The following SLC39A9 variants were observed in gnomAD, a reference collection of about 807,000 sequenced individuals.
The protein encoded by SLC39A9 is solute carrier family 39 member 9, also known as zinc transporter ZIP9.
SLC39A9 carries 14 observed loss-of-function variants against 28.4 expected under a neutral mutation model. That is an observed-to-expected ratio of 0.49 (90% confidence interval 0.33 to 0.77). SLC39A9 has a LOEUF of 0.77. Among genes scored for constraint, SLC39A9 ranks in the 30% least tolerant of loss-of-function variants. The probability of loss-of-function intolerance (pLI) is 0.02; values close to 1 mark genes in which losing one functional copy is unlikely to be tolerated. For missense variants in SLC39A9, 283 were observed against 381.1 expected, an observed-to-expected ratio of 0.74 and a Z score of 2.14; for synonymous variants, 119 against 149.6, an observed-to-expected ratio of 0.80 and a Z score of 1.49.
At chr14:69,398,511 ACTTTCGTT>A, upstream of SLC39A9, 1 of 566,344 alleles carries the variant, frequency 1.8e-6, no homozygotes, top group Non-Finnish European at 3.2e-6. Flanking sequence ...TGTCTTCCGT[ACTTTCGTT>A]ATTAAACATA....
chr14:69,416,280 G>A (rs1324426951), intron 1 of SLC39A9, among the ~76,000 whole-genome samples: 1 of 152,152 alleles, frequency 6.6e-6, no homozygotes, highest in Admixed American at 6.5e-5. Context: ...CTTCATCCAT[G>A]TCCCTACAAA....
intron 2 of SLC39A9, among the ~76,000 whole-genome samples, chr14:69,440,647 G>A (rs552534812): frequency 2.0e-4 from 30 of 152,160 alleles, no homozygotes; most frequent in African/African-American, 7.0e-4. Context: ...CTGTTGTAAG[G>A]TTGGATATTA....
intron 1 of SLC39A9, among the ~76,000 whole-genome samples, chr14:69,404,561 A>C (rs1882808720): frequency 6.6e-6 from 1 of 152,196 alleles, no homozygotes; most frequent in Non-Finnish European, 1.5e-5. Flanking sequence ...ACTTTGTTCT[A>C]ATTTATAATT....
Position 69,425,313 on chromosome 14 carries a change from T to G in SLC39A9, c.205+1111T>G, listed in dbSNP as rs1384081734. Among the ~76,000 whole-genome samples, 6 of 152,360 alleles carry G rather than the reference T, an allele frequency of 3.9e-5. No homozygotes were observed. The East Asian group carries it at 1.2e-3, about 29-fold the overall frequency. ...AAATATACATAGAACAGTATTTTCT[T>G]TCATATTCTAGTGGGTCATCTTGAA... On this transcript the variant is annotated intron_variant, in intron 2 of 6. Transcript: ENST00000336643.
intron 1 of SLC39A9, among the ~76,000 whole-genome samples, chr14:69,420,789 A>G (rs371653443): frequency 9.2e-5 from 14 of 152,324 alleles, no homozygotes; most frequent in Non-Finnish European, 1.9e-4. Flanking sequence ...CGAATCAGCT[A>G]CTGAAGCTTG....
intron 1 of SLC39A9, 93 bp from the exon 2 acceptor site, chr14:69,424,001 T>C: frequency 1.2e-6 from 1 of 802,246 alleles, no homozygotes; most frequent in South Asian, 1.6e-5. Context: ...GTCTCACAAA[T>C]GAGCAGCTCA....
intron 1 of SLC39A9, among the ~76,000 whole-genome samples, 198 bp from the exon 2 acceptor site, chr14:69,423,896 C>CAA (rs11342292): frequency 4.2e-5 from 5 of 120,362 alleles, no homozygotes; most frequent in Admixed American, 9.1e-5. Context: ...GATTCTGTCT[C>CAA]AAAAAAAAAA....
Position 69,460,221 on chromosome 14 carries a change from C to T in SLC39A9, c.*1628C>T, listed in dbSNP as rs1594958520. ...TAGTTTGTAAAAACGTTTTCTATGA[C>T]GCATAAGCTAGCATGCCTATGATTT... On this transcript the variant is annotated 3_prime_UTR_variant, in exon 7 of 7. Coordinates refer to ENST00000336643, the MANE Select transcript of SLC39A9 (RefSeq NM_018375.5). The T allele has an allele frequency of 7.1e-6, 7 of 985,522 alleles. No individual in the cohort carries two copies. The highest frequency in any genetic ancestry group is 3.5e-5 in the African/African-American group (2 of 57,226). 61.0% of individuals were successfully genotyped at this position (985,522 alleles called of 1,614,324 possible).
At chr14:69,437,390 G>C (rs1018890315) in intron 2 of SLC39A9, among the ~76,000 whole-genome samples, 1 of 152,116 alleles carries the variant, frequency 6.6e-6, no homozygotes. Flanking sequence ...AGAAGTTTTT[G>C]CTGCCTTGCC....
intron 1 of SLC39A9, among the ~76,000 whole-genome samples, chr14:69,416,421 G>A (rs973648573): frequency 1.3e-5 from 2 of 152,168 alleles, no homozygotes; most frequent in Admixed American, 6.5e-5. Flanking sequence ...GAATAGTGCT[G>A]CAATAAACAT....
rs550893301 is a variant in SLC39A9, at chr14:69,435,160, A to G, written c.206-6909A>G. Among the ~76,000 whole-genome samples, 13 of 152,302 alleles carry G rather than the reference A, an allele frequency of 8.5e-5. No individual in the cohort carries two copies. In the South Asian group the frequency reaches 1.0e-3, roughly 12 times the overall value. On this transcript the variant is annotated intron_variant, in intron 2 of 6. Coordinates refer to ENST00000336643, the MANE Select transcript of SLC39A9 (RefSeq NM_018375.5). ...GACAGGAGTATTGAAGTCTTCAAATATGATTGTGGATTTATCTGTTTCTCT... is the reference window on the plus strand; with the variant it reads ...GACAGGAGTATTGAAGTCTTCAAATGTGATTGTGGATTTATCTGTTTCTCT...
At chr14:69,452,006 A>G (rs1426343032) in intron 3 of SLC39A9, among the ~76,000 whole-genome samples, 1 of 151,996 alleles carries the variant, frequency 6.6e-6, no homozygotes, top group Admixed American at 6.6e-5. Flanking sequence ...ATGAGCCACC[A>G]TGCTTAGTCT....
chr14:69,415,795 TA>T (rs1169667534), intron 1 of SLC39A9, among the ~76,000 whole-genome samples: 1 of 151,962 alleles, frequency 6.6e-6, no homozygotes, highest in African/African-American at 2.4e-5. Context: ...GCCTTTCAGC[TA>T]AAAAAAACTA....
In SLC39A9 at chr14:69,460,526, T is replaced by G; in HGVS notation, c.*1933T>G. On this transcript the variant is annotated 3_prime_UTR_variant, in exon 7 of 7. Transcript: ENST00000336643. Reference sequence around the variant, plus strand: ...AGATTCTCTCTGGAAACTGACTTTGTCAAATAAATAGCAGATTGTAGTGTC... The same window carrying G: ...AGATTCTCTCTGGAAACTGACTTTGGCAAATAAATAGCAGATTGTAGTGTC... The G allele has an allele frequency of 7.1e-6, 7 of 985,342 alleles. No homozygotes were observed. Among genetic ancestry groups the G allele is most frequent in the Non-Finnish European group, 8.4e-6 (7 of 829,890 alleles). The allele number at this position is 985,342 out of a possible 1,614,324, so 61.0% of individuals were successfully genotyped here. A position where few individuals can be genotyped will look rare whatever the true frequency, so the allele number is the denominator to read the frequency against.
In SLC39A9 at chr14:69,460,580, A is replaced by AT; in HGVS notation, c.*1988dup. 1.0e-6 allele frequency: 1 copy of AT among 985,450 alleles called. No homozygotes were observed. The highest frequency in any genetic ancestry group is 1.2e-6 in the Non-Finnish European group (1 of 829,924). 61.0% of individuals were successfully genotyped at this position (985,450 alleles called of 1,614,324 possible). ...TTTGGTTTGGACAGTAGTGCTTTCT[A>AT]TCATATTGTTGTGTGCAATGGTAAT... On this transcript the variant is annotated 3_prime_UTR_variant, in exon 7 of 7. Coordinates refer to ENST00000336643, the MANE Select transcript of SLC39A9 (RefSeq NM_018375.5).
chr14:69,425,573 CTTCAAG>C (rs1884145124), intron 2 of SLC39A9, among the ~76,000 whole-genome samples: 2 of 152,114 alleles, frequency 1.3e-5, no homozygotes, highest in Non-Finnish European at 1.5e-5. Flanking sequence ...GAAAGAAGTG[CTTCAAG>C]TATAGTTTCT....
intron 1 of SLC39A9, among the ~76,000 whole-genome samples, chr14:69,408,866 G>A (rs765192570): frequency 1.3e-5 from 2 of 152,186 alleles, no homozygotes; most frequent in South Asian, 4.1e-4. Context: ...GAATCACTTA[G>A]TAGAGGGGAA....
chr14:69,408,478 A>G lies in SLC39A9; in HGVS notation c.96+9013A>G, dbSNP rs7155084. Among the ~76,000 whole-genome samples the G allele has an allele frequency of 2.3e-3, 346 of 152,338 alleles. 2 individuals carry two copies. Among genetic ancestry groups the G allele is most frequent in the African/African-American group, 8.0e-3 (333 of 41,572 alleles). On this transcript the variant is annotated intron_variant, in intron 1 of 6. Transcript: ENST00000336643. ...AGTAAAATAAGACAGCCCCAGTGTCATGATATATGGCAGCTGACCTTCAGT... is the reference window on the plus strand; with the variant it reads ...AGTAAAATAAGACAGCCCCAGTGTCGTGATATATGGCAGCTGACCTTCAGT...
At chr14:69,418,406 A>G (rs926252763) in intron 1 of SLC39A9, among the ~76,000 whole-genome samples, 3 of 151,886 alleles carry the variant, frequency 2.0e-5, no homozygotes, top group Admixed American at 2.0e-4. Flanking sequence ...ATCGATGTTC[A>G]TCAGGGATAT....
Sources: allele counts gnomAD v4.1 joint callset (sites outside exome capture counted in the v4.1 genomes callset), GRCh38; gene constraint gnomAD v4.1.1; transcripts MANE v1.5; gene names NCBI Gene and HGNC (gene_info 2026-07-23, HGNC 2026-07-21).